The following JAKMIP1 variants were observed in gnomAD, a reference collection of about 807,000 sequenced individuals.
JAKMIP1 encodes the protein janus kinase and microtubule interacting protein 1.
Under a neutral mutation model 113.0 loss-of-function variants are expected in JAKMIP1, and 33 were observed. The ratio of observed to expected loss-of-function variants is 0.29; its 90% CI spans 0.22 to 0.39. The LOEUF (loss-of-function observed/expected upper bound fraction) is 0.39. Ranked by LOEUF, JAKMIP1 falls within the 10% of genes least tolerant of loss-of-function variation. The probability of loss-of-function intolerance (pLI) is 1.00; values close to 1 mark genes in which losing one functional copy is unlikely to be tolerated. For missense variants in JAKMIP1, 813 were observed against 1,080.5 expected (o/e 0.75, Z 3.47); for synonymous variants, 480 against 459.9 (o/e 1.04, Z -0.56).
rs745746068 is a variant in JAKMIP1 at position 6,085,413 on chromosome 4, C to A, written c.834+7G>T. ...GCCTGAGGCTGGCACAAGCTGCTGCCCCTCACCTGGACGCCCATGAGCTCC... is the reference window on the plus strand; with the variant it reads ...GCCTGAGGCTGGCACAAGCTGCTGCACCTCACCTGGACGCCCATGAGCTCC... On this transcript the variant is annotated splice_region_variant and intron_variant, in intron 4 of 20. Transcript: ENST00000409021. 8 of 1,611,254 alleles carry A rather than the reference C, an allele frequency of 5.0e-6. No homozygotes were observed. In the Admixed American group the frequency reaches 1.3e-4, roughly 27 times the overall value.
chr4:6,054,246 A>C, intron 12 of JAKMIP1, 98 bp from the exon 13 acceptor site: 3 of 1,207,882 alleles, frequency 2.5e-6, no homozygotes, highest in Non-Finnish European at 3.6e-6. Flanking sequence ...GAAACAGACG[A>C]CTGGCCACGG....
intron 1 of JAKMIP1, among the ~76,000 whole-genome samples, chr4:6,177,329 T>C (rs555924356): frequency 2.0e-5 from 3 of 152,298 alleles, no homozygotes; most frequent in African/African-American, 7.2e-5. Context: ...AATCCAAATG[T>C]ACATAGAAAG....
intron 2 of JAKMIP1, among the ~76,000 whole-genome samples, chr4:6,110,555 G>T (rs1714756025): frequency 6.7e-6 from 1 of 149,190 alleles, no homozygotes; most frequent in Admixed American, 6.8e-5. Context: ...TCACTGCCAG[G>T]GTCATGACAC....
In JAKMIP1 at chr4:6,176,433, G is replaced by C. The variant is rs1725346658; in HGVS notation, c.-148+23820C>G. ...CTCCAGCCTAGCTGAACGGGACCAAGGAAGGATTTCCGATGTTCAGCTGTA... is the reference window on the plus strand; with the variant it reads ...CTCCAGCCTAGCTGAACGGGACCAACGAAGGATTTCCGATGTTCAGCTGTA... On this transcript the variant is annotated intron_variant, in intron 1 of 20. Transcript: ENST00000409021. This position sits in a 1 kb window ranked among gnomAD's most constrained non-coding sequence, Gnocchi z 5.5. 6.6e-6 allele frequency among the ~76,000 whole-genome samples: 1 copy of C among 152,176 alleles called. No homozygotes were observed. The highest frequency in any genetic ancestry group is 1.5e-5 in the Non-Finnish European group (1 of 68,022).
intron 2 of JAKMIP1, among the ~76,000 whole-genome samples, chr4:6,110,935 T>G (rs901102081): frequency 6.6e-6 from 1 of 151,400 alleles, no homozygotes; most frequent in Admixed American, 6.6e-5. Flanking sequence ...ACCTGGCCTG[T>G]TGACCTGGCT....
In JAKMIP1 at chr4:6,080,404, C is replaced by A; in HGVS notation, c.1102-92G>T. On this transcript the variant is annotated intron_variant, in intron 6 of 20. Transcript: ENST00000409021. This position sits in a 1 kb window ranked among gnomAD's most constrained non-coding sequence, Gnocchi z 6.0. ...GGAGTGGAGCTCAGGGGTGCAGGGACAGAAGGATGGATGGGAGGATGAAAG... is the reference window on the plus strand; with the variant it reads ...GGAGTGGAGCTCAGGGGTGCAGGGAAAGAAGGATGGATGGGAGGATGAAAG... 7.0e-7 allele frequency: 1 copy of A among 1,429,542 alleles called. No individual in the cohort carries two copies. 88.6% of individuals were successfully genotyped at this position (1,429,542 alleles called of 1,614,324 possible).
Position 6,105,863 on chromosome 4 carries a change from C to T in JAKMIP1, c.234G>A (p.Glu78=), listed in dbSNP as rs759788506. ...GCGCCTGCAGCTCCTTGGTCTTCTC[C>T]TCATGCAGCTTGGCCTTGAGCTCCG... The part of the protein sequence containing the change: ...YISELKAKLH[E]EKTKELQALR... Residue 78 remains glutamate (E), a synonymous_variant, in exon 3 of 21, where the codon GAG becomes GAA. Coordinates refer to ENST00000409021, the MANE Select transcript of JAKMIP1 (RefSeq NM_001099433.2). The T allele has an allele frequency of 9.3e-6, 15 of 1,612,052 alleles. No individual in the cohort carries two copies. Among genetic ancestry groups the T allele is most frequent in the Non-Finnish European group, 1.3e-5 (15 of 1,179,892 alleles).
At chr4:6,169,905 T>G (rs1466330044) in intron 1 of JAKMIP1, among the ~76,000 whole-genome samples, 1 of 150,896 alleles carries the variant, frequency 6.6e-6, no homozygotes, top group African/African-American at 2.4e-5. Flanking sequence ...TACAATGCAC[T>G]CTGTAATCTT....
At chr4:6,175,336 T>C (rs999704402) in intron 1 of JAKMIP1, among the ~76,000 whole-genome samples, 3 of 152,144 alleles carry the variant, frequency 2.0e-5, no homozygotes, top group African/African-American at 4.8e-5. Flanking sequence ...AAATGTTTCA[T>C]CTCTACCAAC....
At position 6,097,886 on chromosome 4, in the gene JAKMIP1, T is replaced by C. The variant is rs1174719318; in HGVS notation, c.624+7587A>G. Among the ~76,000 whole-genome samples the C allele has an allele frequency of 1.3e-5, 2 of 152,240 alleles. No homozygotes were observed. The highest frequency in any genetic ancestry group is 2.9e-5 in the Non-Finnish European group (2 of 68,036). ...TCAGGTTTTTGTCTGGCTTTGAATA[T>C]TTCAGAGGTAGTGAAAGCTCTCTCC... On this transcript the variant is annotated intron_variant, in intron 3 of 20. Transcript: ENST00000409021. This position sits in a 1 kb window ranked among gnomAD's most constrained non-coding sequence, Gnocchi z 4.3.
intron 20 of JAKMIP1, among the ~76,000 whole-genome samples, chr4:6,028,328 G>A (rs1214413424): frequency 1.3e-5 from 2 of 152,232 alleles, no homozygotes; most frequent in Admixed American, 1.3e-4. Flanking sequence ...TCCCATGAGA[G>A]CAACAAGGGA....
chr4:6,031,953 C>T lies in JAKMIP1; in HGVS notation c.2380-2172G>A, dbSNP rs1560622292. ...TGATAATTTTCTACTCTCTCCCACC[C>T]GAAGGGAACTGTGTGACCTCAGTCT... On this transcript the variant is annotated intron_variant, in intron 19 of 20. Transcript: ENST00000409021. This position sits in a 1 kb window ranked among gnomAD's most constrained non-coding sequence, Gnocchi z 4.4. Among the ~76,000 whole-genome samples, 1 of 152,194 alleles carries T rather than the reference C, an allele frequency of 6.6e-6. No individual in the cohort carries two copies. The highest frequency in any genetic ancestry group is 1.5e-5 in the Non-Finnish European group (1 of 68,042).
rs1723117726 is a variant in JAKMIP1, at chr4:6,162,690, C to T, written c.-148+37563G>A. Among the ~76,000 whole-genome samples the T allele has an allele frequency of 6.6e-6, 1 of 152,162 alleles. No individual in the cohort carries two copies. The highest frequency in any genetic ancestry group is 1.5e-5 in the Non-Finnish European group (1 of 68,024). On this transcript the variant is annotated intron_variant, in intron 1 of 20. Coordinates refer to ENST00000409021, the MANE Select transcript of JAKMIP1 (RefSeq NM_001099433.2). The surrounding 1 kb of genome is among the most constrained non-coding windows in gnomAD (Gnocchi z 5.6). The stretch of plus-strand genomic sequence containing the variant: ...CAACCTGTTAAGGGCACAGCATTAC[C>T]ATCATTATCATCGTTCCCACTTTAC...
intron 13 of JAKMIP1, chr4:6,053,629 C>T (rs1193836925): frequency 4.3e-6 from 1 of 232,284 alleles, no homozygotes; most frequent in Non-Finnish European, 7.3e-6. Context: ...CATGCAAGAT[C>T]ACTTAAAAAG....
intron 3 of JAKMIP1, among the ~76,000 whole-genome samples, chr4:6,098,269 A>G (rs1712183869): frequency 6.6e-6 from 1 of 152,170 alleles, no homozygotes; most frequent in Non-Finnish European, 1.5e-5. Flanking sequence ...TGTCTCTACT[A>G]AAAATACAAA....
chr4:6,080,046 G>T lies in JAKMIP1; in HGVS notation c.1242+126C>A. 4 of 1,117,572 alleles carry T rather than the reference G, an allele frequency of 3.6e-6. No homozygotes were observed. Among genetic ancestry groups the T allele is most frequent in the Non-Finnish European group, 5.0e-6 (4 of 803,970 alleles). The allele number at this position is 1,117,572 out of a possible 1,614,324, so 69.2% of individuals were successfully genotyped here. On this transcript the variant is annotated intron_variant, in intron 7 of 20. Coordinates refer to ENST00000409021, the MANE Select transcript of JAKMIP1 (RefSeq NM_001099433.2). The surrounding 1 kb of genome is among the most constrained non-coding windows in gnomAD (Gnocchi z 6.0). ...CAGGGTGAGCTTGGTGAGTCCCAAA[G>T]TCAGCACTGCCTGACCCTGACCCAG...
rs181763698 is a variant in JAKMIP1 at position 6,106,666 on chromosome 4, C to T, written c.130-699G>A. On this transcript the variant is annotated intron_variant, in intron 2 of 20. Transcript: ENST00000409021. The surrounding 1 kb of genome is among the most constrained non-coding windows in gnomAD (Gnocchi z 5.9). ...CCCTGTGCTACCAGGCAACCCACCC[C>T]GCCTTGAGCCTATTCATTTTATCAG... Among the ~76,000 whole-genome samples, 2 of 152,316 alleles carry T rather than the reference C, an allele frequency of 1.3e-5. No homozygotes were observed. The highest frequency in any genetic ancestry group is 1.9e-4 in the East Asian group (1 of 5,190).
At position 6,131,162 on chromosome 4, in the gene JAKMIP1, C is replaced by CA. The variant is rs1269297167; in HGVS notation, c.-147-18166dup. On this transcript the variant is annotated intron_variant, in intron 1 of 20. Transcript: ENST00000409021. ...GGATGACAGAGTAAGACCTTGCCTC[C>CA]AAAAAAAAAAAAATATCCCAGGACT... 9.2e-3 allele frequency among the ~76,000 whole-genome samples: 166 copies of CA among 18,096 alleles called. 8 individuals are homozygous for CA. The highest frequency in any genetic ancestry group is 0.031 in the African/African-American group (135 of 4,340). 11.9% of individuals were successfully genotyped at this position (18,096 alleles called of 152,430 possible).
At chr4:6,083,156 A>G (rs1395167664) in intron 5 of JAKMIP1, among the ~76,000 whole-genome samples, 3 of 152,192 alleles carry the variant, frequency 2.0e-5, no homozygotes, top group Non-Finnish European at 4.4e-5. Flanking sequence ...TAATCCCAGC[A>G]CTTTGGGAAG....
Sources: allele counts gnomAD v4.1 joint callset (sites outside exome capture counted in the v4.1 genomes callset), GRCh38; gene constraint gnomAD v4.1.1; non-coding constraint Gnocchi (gnomAD v3.1); transcripts MANE v1.5; gene names NCBI Gene and HGNC (gene_info 2026-07-23, HGNC 2026-07-21).